CFTR: variants seen among roughly 807,000 people sequenced by gnomAD.
The protein encoded by CFTR is cystic fibrosis transmembrane conductance regulator.
CFTR carries 181 observed loss-of-function variants against 171.6 expected under a neutral mutation model. That is an observed-to-expected ratio of 1.05 (90% CI 0.93 to 1.19). The LOEUF is 1.19. CFTR is among the 50% of genes most tolerant of loss of function. CFTR has a pLI of 0.00. For missense variants in CFTR, 1,968 were observed against 1,734.7 expected (o/e 1.13, Z -2.39); for synonymous variants, 583 against 608.0 (o/e 0.96, Z 0.60).
At chr7:117,660,299 A>G (rs1464783785) in intron 24 of CFTR, among the ~76,000 whole-genome samples, 1 of 152,026 alleles carries the variant, frequency 6.6e-6, no homozygotes, top group African/African-American at 2.4e-5. Context: ...TACTTTTTTT[A>G]ATTTATTGAA....
intron 24 of CFTR, among the ~76,000 whole-genome samples, chr7:117,658,730 T>A (rs1793219803): frequency 1.3e-5 from 2 of 152,148 alleles, no homozygotes. Flanking sequence ...ACATGTCACA[T>A]CCTGTCAATG....
At chr7:117,659,740 T>A (rs1255838423) in intron 24 of CFTR, among the ~76,000 whole-genome samples, 1 of 152,242 alleles carries the variant, frequency 6.6e-6, no homozygotes, top group African/African-American at 2.4e-5. Flanking sequence ...TACTCATTGA[T>A]AGTAAGGTTA....
At chr7:117,586,379 TCTC>T (rs1411079695) in intron 11 of CFTR, 2 of 152,218 alleles carry the variant, frequency 1.3e-5, no homozygotes, top group African/African-American at 4.8e-5. Flanking sequence ...TCCTGCTACA[TCTC>T]CTCCAACATG....
intron 6 of CFTR, among the ~76,000 whole-genome samples, chr7:117,536,302 C>G (rs1330213767): frequency 2.0e-5 from 3 of 152,148 alleles, no homozygotes; most frequent in African/African-American, 7.2e-5. Context: ...AATAGAGATA[C>G]CCACCGCTCA....
At chr7:117,506,992 A>C (rs1258184633) in intron 2 of CFTR, among the ~76,000 whole-genome samples, 1 of 152,222 alleles carries the variant, frequency 6.6e-6, no homozygotes, top group Non-Finnish European at 1.5e-5. Context: ...AGTGGTTGCC[A>C]GATGGTTGAA....
At chr7:117,655,506 G>A (rs1218914933) in intron 24 of CFTR, among the ~76,000 whole-genome samples, 2 of 152,090 alleles carry the variant, frequency 1.3e-5, no homozygotes, top group East Asian at 1.9e-4. Flanking sequence ...TTAGGTATTC[G>A]GTAAGAAGAT....
intron 11 of CFTR, among the ~76,000 whole-genome samples, chr7:117,567,355 T>A (rs1345929451): frequency 6.6e-6 from 1 of 152,192 alleles, no homozygotes; most frequent in Admixed American, 6.5e-5. Context: ...GGCTTCTGAC[T>A]CTATAGCCAT....
chr7:117,491,156 A>G (rs1220327615), intron 1 of CFTR, among the ~76,000 whole-genome samples: 1 of 152,068 alleles, frequency 6.6e-6, no homozygotes, highest in Admixed American at 6.6e-5. Context: ...TGAATACTGC[A>G]GGCAGTTGTG....
chr7:117,488,996 C>T (rs1388343510), intron 1 of CFTR, among the ~76,000 whole-genome samples: 2 of 151,840 alleles, frequency 1.3e-5, no homozygotes, highest in Admixed American at 1.3e-4. Flanking sequence ...ACAAGGTTGA[C>T]TCTTAAATAA....
At chr7:117,567,685 T>C (rs1193422460) in intron 11 of CFTR, among the ~76,000 whole-genome samples, 2 of 152,124 alleles carry the variant, frequency 1.3e-5, no homozygotes, top group Non-Finnish European at 2.9e-5. Flanking sequence ...TTACAGATAT[T>C]TGGGGGGCAA....
intron 3 of CFTR, among the ~76,000 whole-genome samples, chr7:117,518,113 G>T (rs1233891884): frequency 6.6e-6 from 1 of 151,702 alleles, no homozygotes; most frequent in Non-Finnish European, 1.5e-5. Context: ...CATAGCAAGT[G>T]CTCTCTCTAT....
At chr7:117,616,269 T>C (rs570502985) in intron 21 of CFTR, 4 of 152,060 alleles carry the variant, frequency 2.6e-5, no homozygotes, top group Admixed American at 2.6e-4. Flanking sequence ...CTCTTTAGCT[T>C]CTGTAGTTCG....
chr7:117,627,368 A>T (rs1792665942), intron 21 of CFTR, among the ~76,000 whole-genome samples, 154 bp from the exon 22 acceptor site: 1 of 152,170 alleles, frequency 6.6e-6, no homozygotes, highest in Admixed American at 6.6e-5. Flanking sequence ...ATTATATCCA[A>T]TTATTTCCTG....
Position 117,529,896 on chromosome 7 carries a change from G to C in CFTR, c.274-1003G>C, listed in dbSNP as rs571966328. On this transcript the variant is annotated intron_variant, in intron 3 of 26. Transcript: ENST00000003084. Reference sequence around the variant, plus strand: ...TTATCATAGCATCATTTCCTCTCAGGGTTACCCTCTGATCCCTATTTTACT... The same window carrying C: ...TTATCATAGCATCATTTCCTCTCAGCGTTACCCTCTGATCCCTATTTTACT... Among the ~76,000 whole-genome samples, 197 of 152,082 alleles carry C rather than the reference G, an allele frequency of 1.3e-3. 1 individual carries two copies. The highest frequency in any genetic ancestry group is 4.7e-3 in the African/African-American group (195 of 41,504).
At chr7:117,485,095 A>G (rs2116610907) in intron 1 of CFTR, among the ~76,000 whole-genome samples, 1 of 152,302 alleles carries the variant, frequency 6.6e-6, no homozygotes, top group Middle Eastern at 3.4e-3. Flanking sequence ...ATAAATGTTA[A>G]CACTTGTTTA....
intron 1 of CFTR, among the ~76,000 whole-genome samples, chr7:117,482,962 A>T (rs2116608375): frequency 6.6e-6 from 1 of 152,294 alleles, no homozygotes; most frequent in South Asian, 2.1e-4. Context: ...CTTACAAGGG[A>T]TGTGGGGTCT....
At position 117,480,125 on chromosome 7, in the gene CFTR, G is replaced by A. The variant is rs1800072; in HGVS notation, c.31G>A (p.Val11Ile). The A allele has an allele frequency of 1.8e-4, 297 of 1,613,864 alleles. No homozygotes were observed. Among genetic ancestry groups the A allele is most frequent in the Middle Eastern group, 1.8e-3 (11 of 6,056 alleles). Residue 11 changes from valine to isoleucine, a missense_variant, in exon 1 of 27, where the codon GTT becomes ATT. Physicochemically the swap from Val to Ile is conservative, Grantham distance 29. Coordinates refer to ENST00000003084, the MANE Select transcript of CFTR (RefSeq NM_000492.4). ...GAGGTCGCCTCTGGAAAAGGCCAGC[G>A]TTGTCTCCAAACTTTTTTTCAGGTG... MQRSPLEKAS[V>I]VSKLFFSWTR...
At chr7:117,662,938 G>C (rs910706703) in intron 24 of CFTR, among the ~76,000 whole-genome samples, 2 of 152,166 alleles carry the variant, frequency 1.3e-5, no homozygotes, top group Non-Finnish European at 2.9e-5. Context: ...AAGGGGGCAG[G>C]AAGAGGGAGA....
chr7:117,510,767 TGC>T (rs1290616589), intron 3 of CFTR, among the ~76,000 whole-genome samples: 1 of 152,150 alleles, frequency 6.6e-6, no homozygotes, highest in Non-Finnish European at 1.5e-5. Flanking sequence ...GTCTGGTGCA[TGC>T]CAAAAAATAA....
Sources: gnomAD v4.1 joint callset for allele counts (sites outside exome capture counted in the v4.1 genomes callset) on GRCh38, gnomAD v4.1.1 for gene constraint, MANE v1.5 for transcripts, NCBI Gene and HGNC (gene_info 2026-07-23, HGNC 2026-07-21) for gene names.